The following ART1 variants were observed in gnomAD, a reference collection of about 807,000 sequenced individuals.
ART1 encodes ADP-ribosyltransferase 1.
A neutral mutation model predicts 27.0 loss-of-function variants in ART1; 29 were observed. That is an observed-to-expected ratio of 1.08 (90% CI 0.80 to 1.47). ART1 has a LOEUF of 1.47. Ranked by LOEUF, ART1 falls within the 40% of genes most tolerant of loss-of-function variation. ART1 has a pLI of 0.00. For missense variants in ART1, 480 were observed against 423.0 expected, an observed-to-expected ratio of 1.13 and a Z score of -1.18; for synonymous variants, 201 against 172.2, an observed-to-expected ratio of 1.17 and a Z score of -1.31.
intron 1 of ART1, among the ~76,000 whole-genome samples, chr11:3,647,724 C>T (rs1565037615): frequency 6.6e-6 from 1 of 151,656 alleles, no homozygotes; most frequent in South Asian, 2.1e-4. Context: ...ATGTTTATTC[C>T]CTTGATTGTG....
rs761598555 is a variant in ART1 at position 3,659,933 on chromosome 11, G to A, written c.414G>A (p.Ala138=). The A allele has an allele frequency of 2.9e-5, 47 of 1,613,408 alleles. No individual in the cohort carries two copies. Among genetic ancestry groups the A allele is most frequent in the Middle Eastern group, 1.6e-4 (1 of 6,084 alleles). The part of the protein sequence containing the change: ...HKEFNAAVRE[A]GRSRAHYLHH... ...AGTTCAATGCAGCCGTGCGTGAGGC[G>A]GGCCGCTCCCGGGCCCACTACCTCC... is the stretch of plus-strand genomic sequence containing the variant. Residue 138 remains alanine, a synonymous_variant, in exon 3 of 5, where the codon GCG becomes GCA. Transcript: ENST00000250693.
chr11:3,652,934 T>G, intron 1 of ART1, among the ~76,000 whole-genome samples: 1 of 148,958 alleles, frequency 6.7e-6, no homozygotes, highest in Admixed American at 6.6e-5. Context: ...TACCTGTTTT[T>G]CTCCTTCTCT....
At chr11:3,653,326 C>A (rs1043322656) in intron 1 of ART1, among the ~76,000 whole-genome samples, 1 of 148,450 alleles carries the variant, frequency 6.7e-6, no homozygotes, top group African/African-American at 2.6e-5. Context: ...GACATTCCAC[C>A]ACAAAAGAAG....
At chr11:3,663,094 C>CATCTCATCTCA (rs1564787035) in intron 4 of ART1, among the ~76,000 whole-genome samples, 23 of 96,902 alleles carry the variant, frequency 2.4e-4, no homozygotes, top group South Asian at 4.4e-4. Flanking sequence ...ATCTCATCAT[C>CATCTCATCTCA]TCATCTCATC....
chr11:3,664,275 C>T lies in ART1; in HGVS notation c.*86C>T. On this transcript the variant is annotated 3_prime_UTR_variant, in exon 5 of 5. Transcript: ENST00000250693. ...GTGTGCTTTCAGTGTAACCAAGATTCCTGTCAATCCCATCTGCAGGGAACT... is the reference window on the plus strand; with the variant it reads ...GTGTGCTTTCAGTGTAACCAAGATTTCTGTCAATCCCATCTGCAGGGAACT... 1 of 1,296,264 alleles carries T rather than the reference C, an allele frequency of 7.7e-7. No homozygotes were observed. The highest frequency in any genetic ancestry group is 1.1e-6 in the Non-Finnish European group (1 of 910,602). The allele number at this position is 1,296,264 out of a possible 1,614,324, so 80.3% of individuals were successfully genotyped here.
chr11:3,660,576 G>C (rs752299466), intron 3 of ART1, among the ~76,000 whole-genome samples: 16 of 152,190 alleles, frequency 1.1e-4, no homozygotes, highest in Non-Finnish European at 1.8e-4. Context: ...GCCATAGTTC[G>C]CCACTTGCCT....
At chr11:3,662,804 A>G (rs1199808949) in intron 4 of ART1, among the ~76,000 whole-genome samples, 5 of 152,254 alleles carry the variant, frequency 3.3e-5, no homozygotes, top group Non-Finnish European at 5.9e-5. Flanking sequence ...TGATTGTGCC[A>G]TTGCACTCCA....
At chr11:3,647,407 A>G (rs148400038) in intron 1 of ART1, among the ~76,000 whole-genome samples, 1,828 of 151,958 alleles carry the variant, frequency 0.012, 35 homozygotes, top group African/African-American at 0.042. Flanking sequence ...AGGCCTGGGC[A>G]GGTGGATCAC....
intron 1 of ART1, among the ~76,000 whole-genome samples, chr11:3,655,202 A>T (rs1004731574): frequency 6.6e-6 from 1 of 152,200 alleles, no homozygotes; most frequent in Non-Finnish European, 1.5e-5. Context: ...ACTAAAGAAG[A>T]ATCTTCCAAA....
chr11:3,645,685 G>T (rs893307274), intron 1 of ART1, among the ~76,000 whole-genome samples: 5 of 152,132 alleles, frequency 3.3e-5, no homozygotes, highest in Non-Finnish European at 7.4e-5. Flanking sequence ...GGCATACATG[G>T]TCCCTGCCCT....
At chr11:3,655,230 C>T (rs1023847392) in intron 1 of ART1, among the ~76,000 whole-genome samples, 5 of 152,188 alleles carry the variant, frequency 3.3e-5, no homozygotes, top group Non-Finnish European at 5.9e-5. Flanking sequence ...CTCTCAGTTT[C>T]CTTCCCCCAA....
intron 1 of ART1, among the ~76,000 whole-genome samples, chr11:3,653,486 C>G (rs546574612): frequency 6.6e-6 from 1 of 150,540 alleles, no homozygotes; most frequent in Non-Finnish European, 1.5e-5. Context: ...TGTAATTTTC[C>G]TTTATCTACC....
At chr11:3,651,003 C>G (rs931416967) in intron 1 of ART1, among the ~76,000 whole-genome samples, 3 of 151,980 alleles carry the variant, frequency 2.0e-5, no homozygotes, top group Non-Finnish European at 4.4e-5. Flanking sequence ...CTTTTAAAGC[C>G]TATAAACTCT....
intron 1 of ART1, among the ~76,000 whole-genome samples, chr11:3,653,103 C>T (rs919464899): frequency 6.7e-6 from 1 of 148,438 alleles, no homozygotes; most frequent in Non-Finnish European, 1.5e-5. Context: ...CACGCTGCCC[C>T]TAATCAAAGC....
At chr11:3,648,101 C>T (rs1476876564) in intron 1 of ART1, among the ~76,000 whole-genome samples, 1 of 152,204 alleles carries the variant, frequency 6.6e-6, no homozygotes, top group Non-Finnish European at 1.5e-5. Context: ...TACTGAGCAC[C>T]TTGTGACCCC....
chr11:3,649,915 G>T (rs968865035), intron 1 of ART1, among the ~76,000 whole-genome samples: 17 of 152,036 alleles, frequency 1.1e-4, no homozygotes, highest in African/African-American at 3.6e-4. Flanking sequence ...ATGTCAAAAG[G>T]CCACTTTATT....
intron 1 of ART1, among the ~76,000 whole-genome samples, chr11:3,652,318 C>T (rs2077530168): frequency 6.6e-6 from 1 of 150,552 alleles, no homozygotes; most frequent in African/African-American, 2.5e-5. Flanking sequence ...TTAGCCTTCC[C>T]ACCTCTATAC....
intron 1 of ART1, among the ~76,000 whole-genome samples, chr11:3,653,684 T>C (rs1007180851): frequency 6.6e-6 from 1 of 152,174 alleles, no homozygotes; most frequent in Non-Finnish European, 1.5e-5. Context: ...TTCTCCTCTG[T>C]GTTTCTAGTT....
rs2077598872 is a variant in ART1, at chr11:3,659,321, C to T, written c.63+45C>T. Reference sequence around the variant, plus strand: ...TTCCCACCCCAGCAGGGAACTGAGCCATCGGCTTCTTCTGAACCCTGGAGG... The same window carrying T: ...TTCCCACCCCAGCAGGGAACTGAGCTATCGGCTTCTTCTGAACCCTGGAGG... On this transcript the variant is annotated intron_variant, in intron 2 of 4. Transcript: ENST00000250693. 4 of 1,611,936 alleles carry T rather than the reference C, an allele frequency of 2.5e-6. No individual in the cohort carries two copies. In the East Asian group the frequency reaches 8.9e-5, roughly 36 times the overall value.
Sources: gnomAD v4.1 joint callset for allele counts (sites outside exome capture counted in the v4.1 genomes callset) on GRCh38, gnomAD v4.1.1 for gene constraint, MANE v1.5 for transcripts, NCBI Gene and HGNC (gene_info 2026-07-23, HGNC 2026-07-21) for gene names.